MYCT1: variants seen among roughly 807,000 people sequenced by gnomAD.
The protein encoded by MYCT1 is MYC target 1.
A neutral mutation model predicts 15.0 loss-of-function variants in MYCT1; 12 were observed. The ratio of observed to expected loss-of-function variants is 0.80; its 90% CI spans 0.51 to 1.29. MYCT1 has a LOEUF of 1.29. MYCT1 is among the 50% of genes most tolerant of loss of function. The pLI is 0.00. For missense variants in MYCT1, 287 were observed against 279.1 expected, an observed-to-expected ratio of 1.03 and a Z score of -0.20; for synonymous variants, 104 against 102.7, an observed-to-expected ratio of 1.01 and a Z score of -0.07.
intron 1 of MYCT1, among the ~76,000 whole-genome samples, chr6:152,705,169 G>A (rs1313171400): frequency 6.6e-6 from 1 of 152,168 alleles, no homozygotes; most frequent in Non-Finnish European, 1.5e-5. Context: ...GGTTGAAACT[G>A]TATTTACTAG....
downstream of MYCT1, among the ~76,000 whole-genome samples, chr6:152,724,970 G>T (rs2099725381): frequency 6.6e-6 from 1 of 151,638 alleles, no homozygotes; most frequent in Non-Finnish European, 1.5e-5. Context: ...ATTTTATTTA[G>T]GGAATAAGCA....
At chr6:152,720,436 TC>T (rs934877360) in intron 1 of MYCT1, among the ~76,000 whole-genome samples, 7 of 152,116 alleles carry the variant, frequency 4.6e-5, no homozygotes, top group South Asian at 2.1e-4. Flanking sequence ...CTCCTCCTCT[TC>T]CCCAGTCTCA....
At chr6:152,703,944 TA>T (rs1192038828) in intron 1 of MYCT1, among the ~76,000 whole-genome samples, 3 of 13,930 alleles carry the variant, frequency 2.2e-4, no homozygotes, top group Non-Finnish European at 5.2e-4. Flanking sequence ...CCCTGTTTTT[TA>T]TTTTATTTTA....
chr6:152,714,946 T>C (rs988891809), intron 1 of MYCT1, among the ~76,000 whole-genome samples: 2 of 152,098 alleles, frequency 1.3e-5, no homozygotes, highest in African/African-American at 4.8e-5. Flanking sequence ...TTGTGAGGTC[T>C]GGTCTTTCTC....
At chr6:152,708,628 T>C (rs1340118612) in intron 1 of MYCT1, among the ~76,000 whole-genome samples, 1 of 152,088 alleles carries the variant, frequency 6.6e-6, no homozygotes, top group Non-Finnish European at 1.5e-5. Context: ...ATACATTTCA[T>C]ATGAAAATAT....
the MYCT1 span, among the ~76,000 whole-genome samples, chr6:152,746,233 A>T: frequency 1.7e-4 from 26 of 152,244 alleles, no homozygotes; most frequent in South Asian, 1.2e-3. Flanking sequence ...GGCTGGTTGC[A>T]TGGAATGTGT....
At chr6:152,712,301 A>G (rs2099722908) in intron 1 of MYCT1, among the ~76,000 whole-genome samples, 1 of 44,346 alleles carries the variant, frequency 2.3e-5, no homozygotes, top group Non-Finnish European at 5.2e-5. Context: ...TCAATTTTGG[A>G]ATAGGTGTGG....
At chr6:152,731,336 T>G in the MYCT1 span, among the ~76,000 whole-genome samples, 1 of 152,204 alleles carries the variant, frequency 6.6e-6, no homozygotes, top group East Asian at 1.9e-4. Flanking sequence ...ATCTAATAGA[T>G]TGTACATGGT....
At position 152,721,960 on chromosome 6, in the gene MYCT1, C is replaced by T. The variant is rs1187777657; in HGVS notation, c.415C>T (p.Leu139=). The change falls in exon 2 of 2, where the codon CTG becomes TTG. Residue 139 remains leucine (L), a synonymous_variant. Transcript: ENST00000367245. ...CTGTGAACGTCGAAGCAACCTCAGC[C>T]TGGCCAGTCTCACCTTCCAGCGACA... ...SGCERRSNLS[L]ASLTFQRQAS... is the part of the protein sequence containing the mutation. 6.2e-7 allele frequency: 1 copy of T among 1,614,092 alleles called. No homozygotes were observed. Among genetic ancestry groups the T allele is most frequent in the Non-Finnish European group, 8.5e-7 (1 of 1,180,040 alleles).
chr6:152,706,546 A>G (rs897848575), intron 1 of MYCT1, among the ~76,000 whole-genome samples: 2 of 152,138 alleles, frequency 1.3e-5, no homozygotes, highest in Non-Finnish European at 2.9e-5. Context: ...AAAGTAGACA[A>G]ATATCCAATT....
downstream of MYCT1, among the ~76,000 whole-genome samples, chr6:152,728,682 G>C (rs975691301): frequency 6.6e-6 from 1 of 152,106 alleles, no homozygotes; most frequent in African/African-American, 2.4e-5. Context: ...GATCACTTGA[G>C]CTCAGGAGTT....
chr6:152,705,482 G>T (rs1352756841), intron 1 of MYCT1, among the ~76,000 whole-genome samples: 3 of 151,752 alleles, frequency 2.0e-5, no homozygotes, highest in African/African-American at 7.3e-5. Context: ...TCTGTGCCTG[G>T]TTTATTTCAC....
chr6:152,716,981 CT>C (rs945578326), intron 1 of MYCT1, among the ~76,000 whole-genome samples: 3 of 151,700 alleles, frequency 2.0e-5, no homozygotes, highest in South Asian at 2.1e-4. Flanking sequence ...TTGCCAATGT[CT>C]TTTTTTTCAG....
the MYCT1 span, among the ~76,000 whole-genome samples, chr6:152,745,979 G>A: frequency 1.1e-3 from 172 of 152,234 alleles, no homozygotes; most frequent in Non-Finnish European, 1.9e-3. Flanking sequence ...ACAGGGTTCT[G>A]TCATCCATCC....
chr6:152,725,953 A>C (rs1236692563), downstream of MYCT1, among the ~76,000 whole-genome samples: 1 of 152,222 alleles, frequency 6.6e-6, no homozygotes, highest in Non-Finnish European at 1.5e-5. Context: ...ACTGCCACTG[A>C]GAGACCTCGA....
the MYCT1 span, among the ~76,000 whole-genome samples, chr6:152,741,662 T>C: frequency 6.6e-6 from 1 of 152,204 alleles, no homozygotes; most frequent in Non-Finnish European, 1.5e-5. Flanking sequence ...GTATGATTTT[T>C]ATAGAAAATA....
the MYCT1 span, among the ~76,000 whole-genome samples, chr6:152,744,513 G>A: frequency 1.3e-5 from 2 of 152,288 alleles, no homozygotes; most frequent in Admixed American, 6.5e-5. Flanking sequence ...TAAAGAGGTA[G>A]AAGTAGTGAG....
Position 152,723,159 on chromosome 6 carries a change from G to A in MYCT1, c.*906G>A, listed in dbSNP as rs1208877937. The A allele has an allele frequency of 6.6e-6, 1 of 152,102 alleles. No individual in the cohort carries two copies. The highest frequency in any genetic ancestry group is 1.9e-4 in the East Asian group (1 of 5,184). 9.4% of individuals were successfully genotyped at this position (152,102 alleles called of 1,614,324 possible). A position where few individuals can be genotyped will look rare whatever the true frequency, so the allele number is the denominator to read the frequency against. Reference sequence around the variant, plus strand: ...CTGAACTCTTTTGGTGTCATTGGATGTTTCATTTTTGACACTAATTTTTTC... The same window carrying A: ...CTGAACTCTTTTGGTGTCATTGGATATTTCATTTTTGACACTAATTTTTTC... On this transcript the variant is annotated 3_prime_UTR_variant, in exon 2 of 2. Transcript: ENST00000367245.
chr6:152,715,101 A>G (rs2099723415), intron 1 of MYCT1, among the ~76,000 whole-genome samples: 1 of 152,082 alleles, frequency 6.6e-6, no homozygotes, highest in Admixed American at 6.6e-5. Flanking sequence ...CATTCTACTC[A>G]GATATTTTTG....
Sources: gnomAD v4.1 joint callset for allele counts (sites outside exome capture counted in the v4.1 genomes callset) on GRCh38, gnomAD v4.1.1 for gene constraint, MANE v1.5 for transcripts, NCBI Gene and HGNC (gene_info 2026-07-23, HGNC 2026-07-21) for gene names.